NLRP5: variants seen among roughly 807,000 people sequenced by gnomAD.
The protein encoded by NLRP5 is NLR family pyrin domain containing 5.
NLRP5 carries 93 observed loss-of-function variants against 113.1 expected under a neutral mutation model. That is an observed-to-expected ratio of 0.82 (90% CI 0.70 to 0.98). The LOEUF is 0.98. NLRP5 is among the 50% of genes least tolerant of loss of function. NLRP5 has a pLI of 0.00. For synonymous variants in NLRP5, 751 were observed against 600.7 expected, an observed-to-expected ratio of 1.25 and a Z score of -3.66; for missense variants, 1,808 against 1,514.3, an observed-to-expected ratio of 1.19 and a Z score of -3.22.
the NLRP5 span, among the ~76,000 whole-genome samples, chr19:55,991,405 CAA>C: frequency 2.0e-5 from 3 of 152,078 alleles, no homozygotes; most frequent in Non-Finnish European, 4.4e-5. Context: ...GTCCTGATAA[CAA>C]TATCAGCAGT....
rs190111511 is a variant in NLRP5, at chr19:56,055,746, C to T, written c.3299+1938C>T. Among the ~76,000 whole-genome samples the T allele has an allele frequency of 2.3e-3, 348 of 151,316 alleles. 2 individuals are homozygous for T. The highest frequency in any genetic ancestry group is 3.4e-3 in the Non-Finnish European group (231 of 67,864). On this transcript the variant is annotated intron_variant, in intron 13 of 14. Transcript: ENST00000390649. ...ATTTTTAGTAGAGACGGGGTTTCAC[C>T]GTGTTAGCCAGGATGGTCTCAATCT...
chr19:55,986,889 C>T, the NLRP5 span, among the ~76,000 whole-genome samples: 17 of 152,260 alleles, frequency 1.1e-4, no homozygotes, highest in Non-Finnish European at 1.3e-4. Flanking sequence ...TTAGAACCCG[C>T]GTATTGAGCT....
rs145365444 is a variant in NLRP5, at chr19:56,046,138, A to G, written c.2958-4280A>G. On this transcript the variant is annotated intron_variant, in intron 11 of 14. Coordinates refer to ENST00000390649, the MANE Select transcript of NLRP5 (RefSeq NM_153447.4). ...ATGAAGGTATGTCCCTTGTATGCCA[A>G]CTTTGCTGAGAGTTTTAATCATAAA... Among the ~76,000 whole-genome samples the G allele has an allele frequency of 4.0e-3, 602 of 152,326 alleles. 2 individuals carry two copies. Among genetic ancestry groups the G allele is most frequent in the African/African-American group, 0.014 (570 of 41,556 alleles).
the NLRP5 span, among the ~76,000 whole-genome samples, chr19:55,988,948 C>T: frequency 6.6e-6 from 1 of 152,046 alleles, no homozygotes; most frequent in Non-Finnish European, 1.5e-5. Flanking sequence ...GTTCTGTGGT[C>T]AGGATGTAAG....
intron 10 of NLRP5, 130 bp downstream of exon 10, chr19:56,038,325 A>G: frequency 1.1e-6 from 1 of 888,934 alleles, no homozygotes; most frequent in South Asian, 1.6e-5. Context: ...GGAAGTTGGG[A>G]CCTCCCAAGA....
rs371870848 is a variant in NLRP5 at position 56,028,439 on chromosome 19, A to G, written c.2206A>G (p.Ile736Val). ...CCAGCACTGTCCGTATTTGCGGAAAATTCGGGTGGATGTCAAAGGGATCTT... is the reference window on the plus strand; with the variant it reads ...CCAGCACTGTCCGTATTTGCGGAAAGTTCGGGTGGATGTCAAAGGGATCTT... Residue 736 changes from isoleucine (I) to valine (V), a missense_variant, in exon 7 of 15, where the codon ATT becomes GTT. Physicochemically the swap from Ile to Val is conservative, Grantham distance 29 (BLOSUM62 3). Coordinates refer to ENST00000390649, the MANE Select transcript of NLRP5 (RefSeq NM_153447.4). 1.9e-6 allele frequency: 3 copies of G among 1,613,806 alleles called. No homozygotes were observed. The highest frequency in any genetic ancestry group is 2.2e-5 in the East Asian group (1 of 44,900).
rs190928742 is a variant in NLRP5, at chr19:56,045,592, C to T, written c.2957+4500C>T. On this transcript the variant is annotated intron_variant, in intron 11 of 14. Coordinates refer to ENST00000390649, the MANE Select transcript of NLRP5 (RefSeq NM_153447.4). ...ACAACAGGCCCCAGTGTGTGATGTT[C>T]CCCTTCCTGTGTCCATGTGTTCTCA... Among the ~76,000 whole-genome samples the T allele has an allele frequency of 3.1e-3, 464 of 152,050 alleles. 1 individual carries two copies. Among genetic ancestry groups the T allele is most frequent in the African/African-American group, 0.011 (448 of 41,450 alleles).
At chr19:56,023,633 A>C (rs985997956) in intron 6 of NLRP5, among the ~76,000 whole-genome samples, 12 of 152,076 alleles carry the variant, frequency 7.9e-5, no homozygotes, top group Non-Finnish European at 1.3e-4. Context: ...CAAATGAAGC[A>C]ATGTGTAGAC....
intron 6 of NLRP5, 134 bp from the exon 7 acceptor site, chr19:56,026,779 T>C: frequency 1.2e-6 from 1 of 863,294 alleles, no homozygotes; most frequent in Non-Finnish European, 1.8e-6. Context: ...GGCTTTGCCA[T>C]TGACCAGGCT....
intron 11 of NLRP5, among the ~76,000 whole-genome samples, chr19:56,043,848 A>G (rs1190087512): frequency 2.0e-5 from 3 of 150,888 alleles, no homozygotes; most frequent in East Asian, 2.0e-4. Context: ...AAGTGCTGGG[A>G]TTACAGGCGT....
At chr19:56,036,319 G>A (rs1479515427) in intron 9 of NLRP5, among the ~76,000 whole-genome samples, 2 of 151,098 alleles carry the variant, frequency 1.3e-5, no homozygotes, top group East Asian at 4.0e-4. Context: ...TGCCCGCCTC[G>A]GCCTCCCAAA....
chr19:56,019,977 C>T (rs1266630951), intron 5 of NLRP5, among the ~76,000 whole-genome samples: 9 of 151,768 alleles, frequency 5.9e-5, no homozygotes, highest in African/African-American at 2.2e-4. Context: ...GCTGGGATTA[C>T]AGGCACCTGC....
At chr19:56,036,393 A>G (rs568990127) in intron 9 of NLRP5, among the ~76,000 whole-genome samples, 1 of 151,972 alleles carries the variant, frequency 6.6e-6, no homozygotes, top group South Asian at 2.1e-4. Context: ...ATAACGACAG[A>G]TGCTTGATTC....
At chr19:55,988,406 A>C in the NLRP5 span, 3 of 144,162 alleles carry the variant, frequency 2.1e-5, no homozygotes, top group Non-Finnish European at 4.5e-5. Flanking sequence ...AGAAGAAAAA[A>C]AAAATACATA....
chr19:56,037,618 G>A (rs984026928), intron 9 of NLRP5, among the ~76,000 whole-genome samples: 4 of 151,206 alleles, frequency 2.6e-5, no homozygotes, highest in East Asian at 1.9e-4. Flanking sequence ...GCTTCAATCC[G>A]GGAGATGGAG....
intron 2 of NLRP5, among the ~76,000 whole-genome samples, chr19:56,005,566 T>C (rs1012674225): frequency 5.0e-5 from 6 of 120,150 alleles, no homozygotes; most frequent in Non-Finnish European, 1.1e-4. Context: ...TACACACATA[T>C]ATATTTATAC....
At chr19:55,997,726 G>A (rs374128726), upstream of NLRP5, among the ~76,000 whole-genome samples, 1 of 152,094 alleles carries the variant, frequency 6.6e-6, no homozygotes, top group East Asian at 1.9e-4. Context: ...AGCTGGGTGT[G>A]GTGGCTGGCA....
chr19:56,039,633 C>T (rs1420498415), intron 10 of NLRP5, among the ~76,000 whole-genome samples: 1 of 152,184 alleles, frequency 6.6e-6, no homozygotes, highest in Non-Finnish European at 1.5e-5. Flanking sequence ...GCTTAAATGG[C>T]CAGGTGTGGT....
At chr19:56,005,642 A>ACACACGCG (rs1555763942) in intron 2 of NLRP5, among the ~76,000 whole-genome samples, 38 of 142,118 alleles carry the variant, frequency 2.7e-4, no homozygotes, top group African/African-American at 9.6e-4. Context: ...ACACACACAC[A>ACACACGCG]CGCGCGCAGG....
Sources: gnomAD v4.1 joint callset for allele counts (sites outside exome capture counted in the v4.1 genomes callset) on GRCh38, gnomAD v4.1.1 for gene constraint, MANE v1.5 for transcripts, NCBI Gene and HGNC (gene_info 2026-07-23, HGNC 2026-07-21) for gene names.